The following CSMD1 variants were observed in gnomAD, a reference collection of about 807,000 sequenced individuals.
CSMD1 encodes the protein CUB and Sushi multiple domains 1.
In CSMD1, 213 loss-of-function variants were observed where a neutral mutation model predicts 417.5. The ratio of observed to expected loss-of-function variants is 0.51; its 90% confidence interval spans 0.46 to 0.57. The LOEUF (loss-of-function observed/expected upper bound fraction) is 0.57, where lower values mean the gene tolerates loss of function less well. Ranked by LOEUF, CSMD1 falls within the 20% of genes least tolerant of loss-of-function variation. The pLI is 0.00. For missense variants in CSMD1, 6,923 were observed against 4,529.7 expected (o/e 1.53, Z -15.17); for synonymous variants, 2,862 against 1,736.8 (o/e 1.65, Z -16.11).
chr8:3,969,280 C>T (rs531208671), intron 5 of CSMD1, among the ~76,000 whole-genome samples: 132 of 152,214 alleles, frequency 8.7e-4, no homozygotes, highest in Non-Finnish European at 1.2e-3. Context: ...GTGGCTGTAG[C>T]TGCAAAAGAT....
chr8:4,191,560 C>G (rs1423088621), intron 3 of CSMD1, among the ~76,000 whole-genome samples: 1 of 152,082 alleles, frequency 6.6e-6, no homozygotes, highest in Non-Finnish European at 1.5e-5. Flanking sequence ...ACTGAAAATG[C>G]TTGTACTTCA....
chr8:3,448,327 G>GGGAGGGAGGGAAGGAAGGAAGGAA (rs1563399758), intron 12 of CSMD1, among the ~76,000 whole-genome samples: 2 of 33,548 alleles, frequency 6.0e-5, no homozygotes, highest in African/African-American at 2.6e-4. Flanking sequence ...AAGGAAGGGA[G>GGGAGGGAGGGAAGGAAGGAAGGAA]CAAGGGAGGG....
chr8:4,372,146 T>A (rs185745107), intron 3 of CSMD1, among the ~76,000 whole-genome samples: 78 of 152,352 alleles, frequency 5.1e-4, no homozygotes, highest in Admixed American at 2.6e-3. Context: ...CTATGTGCAT[T>A]TCTCTAACCT....
intron 1 of CSMD1, among the ~76,000 whole-genome samples, chr8:4,804,596 GA>G (rs1353390123): frequency 6.6e-6 from 1 of 151,968 alleles, no homozygotes. Context: ...AGGAAGGAAG[GA>G]AAGTACGAAG....
chr8:3,905,895 T>G (rs1037948330), intron 5 of CSMD1, among the ~76,000 whole-genome samples: 1 of 152,226 alleles, frequency 6.6e-6, no homozygotes, highest in Non-Finnish European at 1.5e-5. Context: ...TCTTACTATT[T>G]ATTTGCTCCT....
At chr8:4,749,018 C>G (rs1469706096) in intron 1 of CSMD1, among the ~76,000 whole-genome samples, 1 of 151,976 alleles carries the variant, frequency 6.6e-6, no homozygotes, top group East Asian at 1.9e-4. Context: ...TCACGGTGAC[C>G]AGTTCTGACC....
chr8:3,000,663 T>C (rs576704257), intron 52 of CSMD1, among the ~76,000 whole-genome samples: 9 of 152,302 alleles, frequency 5.9e-5, no homozygotes, highest in African/African-American at 2.2e-4. Flanking sequence ...AGCTGATGTC[T>C]GAGTAAAAAT....
chr8:3,817,229 C>G lies in CSMD1; in HGVS notation c.819-63187G>C, dbSNP rs921345925. The stretch of plus-strand genomic sequence containing the variant: ...CCACTCTGGAAAGGATCTCCAAATC[C>G]AAAGTGGTCATATCTTCTTCTTCTT... On this transcript the variant is annotated intron_variant, in intron 5 of 69. Transcript: ENST00000635120. 2.2e-5 allele frequency among the ~76,000 whole-genome samples: 3 copies of G among 136,026 alleles called. No individual in the cohort carries two copies. The East Asian group carries it at 7.5e-4, about 34-fold the overall frequency. 89.2% of individuals were successfully genotyped at this position (136,026 alleles called of 152,430 possible). A position where few individuals can be genotyped will look rare whatever the true frequency, so the allele number is the denominator to read the frequency against.
intron 5 of CSMD1, among the ~76,000 whole-genome samples, chr8:3,874,752 C>T (rs1403914196): frequency 1.3e-5 from 2 of 152,044 alleles, no homozygotes; most frequent in Non-Finnish European, 2.9e-5. Flanking sequence ...GAGAACATAC[C>T]ATGTCTGTGA....
rs572249505 is a variant in CSMD1, at chr8:4,697,502, T to C, written c.86-59944A>G. Among the ~76,000 whole-genome samples the C allele has an allele frequency of 2.3e-3, 351 of 152,280 alleles. 2 individuals carry two copies. Among genetic ancestry groups the C allele is most frequent in the African/African-American group, 8.1e-3 (335 of 41,562 alleles). On this transcript the variant is annotated intron_variant, in intron 1 of 69. Transcript: ENST00000635120. ...TAGGTATAACATATTCCTTTGGCTTTAGGTGGAATTCTATGTCCTGTATTG... is the reference window on the plus strand; with the variant it reads ...TAGGTATAACATATTCCTTTGGCTTCAGGTGGAATTCTATGTCCTGTATTG...
chr8:2,939,416 CATT>C (rs2128911629), intron 69 of CSMD1, among the ~76,000 whole-genome samples: 1 of 152,282 alleles, frequency 6.6e-6, no homozygotes, highest in South Asian at 2.1e-4. Flanking sequence ...GAACTATACT[CATT>C]ATTAAACTGT....
intron 3 of CSMD1, among the ~76,000 whole-genome samples, chr8:4,294,094 T>C (rs1040615531): frequency 6.6e-6 from 1 of 152,210 alleles, no homozygotes; most frequent in African/African-American, 2.4e-5. Context: ...AAGTTCTATA[T>C]TCCTGTCACT....
chr8:3,310,034 T>G (rs1365207349), intron 23 of CSMD1, among the ~76,000 whole-genome samples: 1 of 152,204 alleles, frequency 6.6e-6, no homozygotes, highest in East Asian at 1.9e-4. Flanking sequence ...TTCAGATGCC[T>G]GGAATTCAAG....
chr8:4,733,214 A>C (rs1322534014), intron 1 of CSMD1, among the ~76,000 whole-genome samples: 1 of 152,240 alleles, frequency 6.6e-6, no homozygotes, highest in Non-Finnish European at 1.5e-5. Flanking sequence ...ATTCCAAAAC[A>C]GACTAATTCA....
At chr8:3,766,012 T>C (rs747027915) in intron 5 of CSMD1, among the ~76,000 whole-genome samples, 7 of 152,188 alleles carry the variant, frequency 4.6e-5, no homozygotes, top group Admixed American at 2.0e-4. Flanking sequence ...TGGGAGAGGA[T>C]GTGACAAAGC....
At chr8:3,769,228 G>A (rs1489614762) in intron 5 of CSMD1, among the ~76,000 whole-genome samples, 7 of 152,112 alleles carry the variant, frequency 4.6e-5, no homozygotes, top group Non-Finnish European at 7.4e-5. Context: ...TACAACACTC[G>A]AAGGCAATTT....
At chr8:4,021,461 G>C (rs922422374) in intron 4 of CSMD1, among the ~76,000 whole-genome samples, 4 of 152,134 alleles carry the variant, frequency 2.6e-5, no homozygotes, top group African/African-American at 7.2e-5. Context: ...CCTGGCTTTT[G>C]TTGGTTAAGC....
At chr8:4,911,446 T>C (rs1030251892) in intron 1 of CSMD1, among the ~76,000 whole-genome samples, 2 of 152,178 alleles carry the variant, frequency 1.3e-5, no homozygotes, top group African/African-American at 4.8e-5. Flanking sequence ...CCAGGTCCCA[T>C]GAATACACTT....
intron 53 of CSMD1, 119 bp from the exon 54 acceptor site, chr8:2,998,303 A>T: frequency 1.1e-6 from 1 of 947,984 alleles, no homozygotes; most frequent in East Asian, 2.6e-5. Context: ...TTTTCCACTA[A>T]CCAGGCAGCT....
Sources: gnomAD v4.1 joint callset for allele counts (sites outside exome capture counted in the v4.1 genomes callset) on GRCh38, gnomAD v4.1.1 for gene constraint, MANE v1.5 for transcripts, NCBI Gene and HGNC (gene_info 2026-07-23, HGNC 2026-07-21) for gene names.